Variants in LRP1 observed in about 807,000 individuals in gnomAD.
The protein encoded by LRP1 is prolow-density lipoprotein receptor-related protein 1.
Under a neutral mutation model 541.5 loss-of-function variants are expected in LRP1, and 51 were observed. That is an observed-to-expected ratio of 0.09 (90% CI 0.08 to 0.12). The LOEUF is 0.12. Ranked by LOEUF, LRP1 falls within the 10% of genes least tolerant of loss-of-function variation. The pLI is 1.00. For missense variants in LRP1, 3,878 were observed against 6,376.2 expected (o/e 0.61, Z 13.34); for synonymous variants, 2,219 against 2,470.8 (o/e 0.90, Z 3.02).
rs1412397802 is a variant in LRP1, at chr12:57,183,044, A to G, written c.5663-335A>G. Among the ~76,000 whole-genome samples, 1 of 152,074 alleles carries G rather than the reference A, an allele frequency of 6.6e-6. No homozygotes were observed. The highest frequency in any genetic ancestry group is 1.5e-5 in the Non-Finnish European group (1 of 67,998). On this transcript the variant is annotated intron_variant, in intron 34 of 88. Transcript: ENST00000243077. This position sits in a 1 kb window ranked among gnomAD's most constrained non-coding sequence, Gnocchi z 6.1. ...ACCTAGTCCTGATTGTCTGGTCTGAACTCCCAGACTTTCCCTAAGGAACTT... is the reference window on the plus strand; with the variant it reads ...ACCTAGTCCTGATTGTCTGGTCTGAGCTCCCAGACTTTCCCTAAGGAACTT...
At chr12:57,132,589 G>A (rs753723745) in intron 1 of LRP1, among the ~76,000 whole-genome samples, 1 of 152,308 alleles carries the variant, frequency 6.6e-6, no homozygotes. Flanking sequence ...TCTGGACTGA[G>A]CCCCCTTCCT....
rs1419163718 is a variant in LRP1 at position 57,198,215 on chromosome 12, C to T, written c.9342C>T (p.Gly3114=). 1.9e-6 allele frequency: 3 copies of T among 1,613,402 alleles called. No homozygotes were observed. The highest frequency in any genetic ancestry group is 2.5e-6 in the Non-Finnish European group (3 of 1,179,878). ...GGCTGGCTGTGGACTGGGTGGGTGG[C>T]AACCTGTACTGGTGCGACAAAGGCC... The part of the protein sequence containing the change: ...PDGLAVDWVG[G]NLYWCDKGRD... The change falls in exon 59 of 89, where the codon GGC becomes GGT. Residue 3114 remains glycine (G), a synonymous_variant. Coordinates refer to ENST00000243077, the MANE Select transcript of LRP1 (RefSeq NM_002332.3).
intron 1 of LRP1, among the ~76,000 whole-genome samples, chr12:57,130,663 G>A (rs1201912004): frequency 6.6e-6 from 1 of 152,134 alleles, no homozygotes. Flanking sequence ...GCCCCTTGAA[G>A]GAGGGTGGCT....
In LRP1 at chr12:57,204,994, C is replaced by T; in HGVS notation, c.11195-115C>T. The T allele has an allele frequency of 6.8e-7, 1 of 1,467,112 alleles. No individual in the cohort carries two copies. The highest frequency in any genetic ancestry group is 1.3e-5 in the South Asian group (1 of 75,256). 90.9% of individuals were successfully genotyped at this position (1,467,112 alleles called of 1,614,324 possible). A position where few individuals can be genotyped will look rare whatever the true frequency, so the allele number is the denominator to read the frequency against. On this transcript the variant is annotated intron_variant, in intron 72 of 88. Coordinates refer to ENST00000243077, the MANE Select transcript of LRP1 (RefSeq NM_002332.3). The surrounding 1 kb of genome is among the most constrained non-coding windows in gnomAD (Gnocchi z 5.3). The stretch of plus-strand genomic sequence containing the variant: ...GCTGGGAACCCAAATGTTTGACCTG[C>T]TCCCCCTGCAAGCCTTGTCACTTAG...
rs2035717989 is a variant in LRP1, at chr12:57,160,950, G to A, written c.2037G>A (p.Leu679=). The A allele has an allele frequency of 6.2e-7, 1 of 1,613,996 alleles. No individual in the cohort carries two copies. The highest frequency in any genetic ancestry group is 8.5e-7 in the Non-Finnish European group (1 of 1,180,028). Residue 679 remains leucine (L), a synonymous_variant, in exon 13 of 89, where the codon CTG becomes CTA. Coordinates refer to ENST00000243077, the MANE Select transcript of LRP1 (RefSeq NM_002332.3). ...EDPKDSRRGR[L]ERAWMDGSHR... ...CCAAGGACAGTCGGCGTGGGCGGCT[G>A]GAGAGGGCGTGGATGGATGGCTCAC...
At chr12:57,202,390 C>T in intron 67 of LRP1, 31 bp from the exon 68 acceptor site, 1 of 1,523,080 alleles carries the variant, frequency 6.6e-7, no homozygotes, top group Non-Finnish European at 9.1e-7. Flanking sequence ...CCAGCCCTTT[C>T]CCTGACTGCC....
intron 20 of LRP1, among the ~76,000 whole-genome samples, chr12:57,171,467 G>A (rs757762545): frequency 2.0e-5 from 3 of 152,144 alleles, no homozygotes; most frequent in South Asian, 4.1e-4. Flanking sequence ...CGTTCAGACC[G>A]AGGGAAAGGC....
chr12:57,180,620 T>G, intron 32 of LRP1, 47 bp from the exon 33 acceptor site: 1 of 1,612,012 alleles, frequency 6.2e-7, no homozygotes. Flanking sequence ...TCAGGAGAGC[T>G]GGGTGTGGGG....
At position 57,138,590 on chromosome 12, in the gene LRP1, C is replaced by G; in HGVS notation, c.190+9C>G. Reference sequence around the variant, plus strand: ...CGAGGCCCCTGAGATTTGTAAGTACCTTTTCTGGATTCTTCTCCCCAAACC... The same window carrying G: ...CGAGGCCCCTGAGATTTGTAAGTACGTTTTCTGGATTCTTCTCCCCAAACC... On this transcript the variant is annotated intron_variant, in intron 2 of 88. Transcript: ENST00000243077. 6.2e-7 allele frequency: 1 copy of G among 1,613,732 alleles called. No individual in the cohort carries two copies. Among genetic ancestry groups the G allele is most frequent in the Non-Finnish European group, 8.5e-7 (1 of 1,179,774 alleles).
chr12:57,194,415 C>T lies in LRP1; in HGVS notation c.7980C>T (p.Cys2660=), dbSNP rs138980324. 2.2e-3 allele frequency: 3,430 copies of T among 1,525,272 alleles called. 3 individuals are homozygous for T. The highest frequency in any genetic ancestry group is 2.7e-3 in the Non-Finnish European group (3,077 of 1,136,982). 94.5% of individuals were successfully genotyped at this position (1,525,272 alleles called of 1,614,324 possible). Residue 2660 remains cysteine (C), a synonymous_variant, in exon 49 of 89, where the codon TGC becomes TGT. Transcript: ENST00000243077. ...LGVKGVLFQP[C]ERTSLCYAPS... Reference sequence around the variant, plus strand: ...TGAAGGGCGTGCTCTTCCAGCCCTGCGAGCGGACCTCACTCTGCTACGCAC... The same window carrying T: ...TGAAGGGCGTGCTCTTCCAGCCCTGTGAGCGGACCTCACTCTGCTACGCAC...
Position 57,209,789 on chromosome 12 carries a change from C to G in LRP1, c.12360C>G (p.His4120Gln). ...TCTTCAAGATCCATAAGTTTGGCCA[C>G]AGCCCCTTGGTCAACCTGACAGGGG... Reference protein sequence around the residue: ...NRVFKIHKFGHSPLVNLTGGL... With the variant: ...NRVFKIHKFGQSPLVNLTGGL... The change falls in exon 80 of 89, where the codon CAC becomes CAG. Residue 4120 changes from histidine (H) to glutamine (Q), a missense_variant. Coordinates refer to ENST00000243077, the MANE Select transcript of LRP1 (RefSeq NM_002332.3). The G allele has an allele frequency of 6.2e-7, 1 of 1,614,204 alleles. No individual in the cohort carries two copies. The highest frequency in any genetic ancestry group is 8.5e-7 in the Non-Finnish European group (1 of 1,180,014).
At chr12:57,210,505 C>A in intron 82 of LRP1, 25 bp downstream of exon 82, 1 of 1,520,102 alleles carries the variant, frequency 6.6e-7, no homozygotes, top group Non-Finnish European at 8.8e-7. Context: ...CCCGCCACGC[C>A]TGCTCCTTGC....
At position 57,191,654 on chromosome 12, in the gene LRP1, C is replaced by T. The variant is rs2036382827; in HGVS notation, c.7429+142C>T. 4 of 654,394 alleles carry T rather than the reference C, an allele frequency of 6.1e-6. No individual in the cohort carries two copies. The Admixed American group carries it at 1.3e-4, about 22-fold the overall frequency. 40.5% of individuals were successfully genotyped at this position (654,394 alleles called of 1,614,324 possible). A position where few individuals can be genotyped will look rare whatever the true frequency, so the allele number is the denominator to read the frequency against. On this transcript the variant is annotated intron_variant, in intron 44 of 88. Transcript: ENST00000243077. ...CACATCCCACACATACTACACTACA[C>T]ACACCACACCACATACACACACCAC...
chr12:57,201,373 T>C lies in LRP1; in HGVS notation c.10346-124T>C. On this transcript the variant is annotated intron_variant, in intron 65 of 88. Transcript: ENST00000243077. This position sits in a 1 kb window ranked among gnomAD's most constrained non-coding sequence, Gnocchi z 6.4. ...AAGCACCAAAACTGGGGATAAACTGTTCCTTCCTCCGAAGAAGTTGCTGGC... is the reference window on the plus strand; with the variant it reads ...AAGCACCAAAACTGGGGATAAACTGCTCCTTCCTCCGAAGAAGTTGCTGGC... The C allele has an allele frequency of 6.9e-7, 1 of 1,448,224 alleles. No homozygotes were observed. The highest frequency in any genetic ancestry group is 9.3e-7 in the Non-Finnish European group (1 of 1,069,664). The allele number at this position is 1,448,224 out of a possible 1,614,324, so 89.7% of individuals were successfully genotyped here.
intron 50 of LRP1, 87 bp downstream of exon 50, chr12:57,194,786 A>T: frequency 6.8e-7 from 1 of 1,474,108 alleles, no homozygotes; most frequent in Middle Eastern, 1.8e-4. Context: ...CCCTTGGAAA[A>T]GGGCATCCAG....
In LRP1 at chr12:57,209,740, G is replaced by A; in HGVS notation, c.12311G>A (p.Gly4104Asp). The A allele has an allele frequency of 6.2e-7, 1 of 1,614,180 alleles. No homozygotes were observed. The highest frequency in any genetic ancestry group is 8.5e-7 in the Non-Finnish European group (1 of 1,180,026). ...GACGTCTTTGAGGATTACATCTATGGTGTCACCTACATCAATAATCGTGTC... is the reference window on the plus strand; with the variant it reads ...GACGTCTTTGAGGATTACATCTATGATGTCACCTACATCAATAATCGTGTC... ...SIDVFEDYIY[G>D]VTYINNRVFK... Residue 4104 changes from glycine to aspartate, a missense_variant, in exon 80 of 89, where the codon GGT (glycine) becomes GAT (aspartate). Gly to Asp is a moderately conservative substitution (Grantham distance 94, BLOSUM62 -1). Around this residue, in one of 13 missense-constraint regions of LRP1, gnomAD observed 871 missense variants for 1,212.4 expected, o/e 0.72. Coordinates refer to ENST00000243077, the MANE Select transcript of LRP1 (RefSeq NM_002332.3).
At chr12:57,130,441 A>T (rs11610923) in intron 1 of LRP1, among the ~76,000 whole-genome samples, 1 of 143,416 alleles carries the variant, frequency 7.0e-6, no homozygotes, top group African/African-American at 2.6e-5. Context: ...CCCACCAATT[A>T]GCTGCCCCGG....
Position 57,195,686 on chromosome 12 carries a change from G to A in LRP1, c.8466G>A (p.Glu2822=). 6.2e-7 allele frequency: 1 copy of A among 1,614,136 alleles called. No individual in the cohort carries two copies. ...CLYNSTCDDR[E]FMCQNRQCIP... ...ACAACAGCACTTGTGACGACCGTGA[G>A]TTCATGTGCCAGAACCGCCAGTGCA... Residue 2822 remains glutamate, a synonymous_variant, in exon 53 of 89, where the codon GAG becomes GAA. Transcript: ENST00000243077.
intron 6 of LRP1, chr12:57,149,421 C>G (rs2136668440): frequency 1.7e-6 from 1 of 579,942 alleles, no homozygotes; most frequent in East Asian, 2.9e-5. Flanking sequence ...GTCCTCTCCT[C>G]CCCCGCTGTC....
Sources: gnomAD v4.1 joint callset for allele counts (sites outside exome capture counted in the v4.1 genomes callset) on GRCh38, gnomAD v4.1.1 for gene constraint, gnomAD v4.1.1 regional missense constraint, Gnocchi (gnomAD v3.1) non-coding constraint, MANE v1.5 for transcripts, NCBI Gene and HGNC (gene_info 2026-07-23, HGNC 2026-07-21) for gene names.